Variants in PPP2R2B observed in about 807,000 individuals in gnomAD.
PPP2R2B encodes the protein protein phosphatase 2 regulatory subunit Bbeta.
PPP2R2B carries 5 observed loss-of-function variants against 46.0 expected under a neutral mutation model. The ratio of observed to expected loss-of-function variants is 0.11; its 90% CI spans 0.06 to 0.23. The LOEUF (loss-of-function observed/expected upper bound fraction) is 0.23, where lower values mean the gene tolerates loss of function less well. Among genes scored for constraint, PPP2R2B ranks in the 10% least tolerant of loss-of-function variants. PPP2R2B has a pLI of 1.00. For missense variants in PPP2R2B, 367 were observed against 575.0 expected, an observed-to-expected ratio of 0.64 and a Z score of 3.70; for synonymous variants, 215 against 206.7, an observed-to-expected ratio of 1.04 and a Z score of -0.34.
intron 1 of PPP2R2B, among the ~76,000 whole-genome samples, chr5:146,997,754 G>T (rs1380005931): frequency 6.6e-6 from 1 of 152,128 alleles, no homozygotes; most frequent in Non-Finnish European, 1.5e-5. Flanking sequence ...TGCGAATAAA[G>T]TAGATATTTC....
intron 2 of PPP2R2B, among the ~76,000 whole-genome samples, chr5:146,723,872 A>G (rs1751680547): frequency 6.6e-6 from 1 of 152,100 alleles, no homozygotes; most frequent in Admixed American, 6.6e-5. Context: ...AAATTCATCC[A>G]TACAAACTCA....
chr5:146,971,151 T>C (rs1387021066), intron 1 of PPP2R2B, among the ~76,000 whole-genome samples: 2 of 152,218 alleles, frequency 1.3e-5, no homozygotes, highest in African/African-American at 4.8e-5. Context: ...CATCTTTTCA[T>C]TGATAGCATC....
chr5:147,035,540 TG>T (rs1326084346), intron 1 of PPP2R2B, among the ~76,000 whole-genome samples: 5 of 152,232 alleles, frequency 3.3e-5, no homozygotes, highest in African/African-American at 1.2e-4. Context: ...CTCAAGGCTT[TG>T]GGTTCAGGAA....
At chr5:146,675,071 T>G (rs1212946697) in intron 5 of PPP2R2B, among the ~76,000 whole-genome samples, 1 of 152,174 alleles carries the variant, frequency 6.6e-6, no homozygotes, top group African/African-American at 2.4e-5. Context: ...CAAGTGATTC[T>G]CGCACCTCAG....
At chr5:146,698,825 T>C (rs1432976097) in intron 3 of PPP2R2B, among the ~76,000 whole-genome samples, 2 of 150,836 alleles carry the variant, frequency 1.3e-5, no homozygotes, top group African/African-American at 4.9e-5. Flanking sequence ...CATTAAGGAA[T>C]GATGAGACTT....
At chr5:146,827,999 AAGAG>A (rs35087951) in intron 2 of PPP2R2B, among the ~76,000 whole-genome samples, 49,930 of 148,534 alleles carry the variant, frequency 0.34, 8,701 homozygotes, top group East Asian at 0.62. Flanking sequence ...GGCCTAGTTG[AAGAG>A]AGAGAGAGAG....
intron 1 of PPP2R2B, among the ~76,000 whole-genome samples, chr5:146,917,223 T>C (rs1488165691): frequency 2.0e-5 from 3 of 152,232 alleles, no homozygotes; most frequent in Non-Finnish European, 4.4e-5. Context: ...ACATGGGCTC[T>C]ACACCCTGCC....
intron 1 of PPP2R2B, among the ~76,000 whole-genome samples, chr5:146,909,579 C>G (rs871585): frequency 0.026 from 3,893 of 152,274 alleles, 146 homozygotes; most frequent in African/African-American, 0.07. Flanking sequence ...TAGAAAGAAG[C>G]CTTCCTAATA....
At chr5:146,652,129 A>T (rs1776007480) in intron 5 of PPP2R2B, among the ~76,000 whole-genome samples, 1 of 152,178 alleles carries the variant, frequency 6.6e-6, no homozygotes, top group African/African-American at 2.4e-5. Context: ...CCTATAGATT[A>T]AGTGTGTGTG....
At chr5:146,673,976 C>G (rs1435135788) in intron 5 of PPP2R2B, among the ~76,000 whole-genome samples, 2 of 152,148 alleles carry the variant, frequency 1.3e-5, no homozygotes, top group Non-Finnish European at 2.9e-5. Flanking sequence ...GTCAGTATGT[C>G]TTAGGCAAAT....
chr5:146,901,651 C>T (rs1302849339), intron 1 of PPP2R2B, among the ~76,000 whole-genome samples: 1 of 152,060 alleles, frequency 6.6e-6, no homozygotes, highest in African/African-American at 2.4e-5. Flanking sequence ...ATTCCCTATC[C>T]TCATGAAGCT....
intron 1 of PPP2R2B, among the ~76,000 whole-genome samples, chr5:146,914,634 G>T (rs1451213650): frequency 6.6e-6 from 1 of 152,202 alleles, no homozygotes; most frequent in Non-Finnish European, 1.5e-5. Context: ...GCAAAAAAAT[G>T]TTGTTGGCCA....
At chr5:146,722,914 A>C (rs544618214) in intron 2 of PPP2R2B, among the ~76,000 whole-genome samples, 37 of 152,242 alleles carry the variant, frequency 2.4e-4, no homozygotes, top group African/African-American at 8.9e-4. Flanking sequence ...GCCACTACCT[A>C]AACATGAACA....
rs1770357136 is a variant in PPP2R2B, at chr5:146,589,296, TC to T, written c.*650del. 6.6e-6 allele frequency: 1 copy of T among 152,282 alleles called. No individual in the cohort carries two copies. Among genetic ancestry groups the T allele is most frequent in the African/African-American group, 2.4e-5 (1 of 41,404 alleles). The allele number at this position is 152,282 out of a possible 1,614,324, so 9.4% of individuals were successfully genotyped here. On this transcript the variant is annotated 3_prime_UTR_variant, in exon 10 of 10. Coordinates refer to ENST00000394411, the MANE Select transcript of PPP2R2B (RefSeq NM_181675.4). ...AAGCATTCAAGTTCCCTAGCCAAAT[TC>T]TCAGGCTGTTTCTATGGAGCTTACA...
intron 1 of PPP2R2B, among the ~76,000 whole-genome samples, chr5:146,996,995 C>T (rs930862688): frequency 2.0e-5 from 3 of 152,150 alleles, no homozygotes; most frequent in African/African-American, 7.2e-5. Context: ...AATCACTTAA[C>T]CTCTTTGACC....
chr5:146,971,875 A>G (rs1246001591), intron 1 of PPP2R2B, among the ~76,000 whole-genome samples: 2 of 152,198 alleles, frequency 1.3e-5, no homozygotes, highest in Non-Finnish European at 2.9e-5. Flanking sequence ...ATCCCTGTAT[A>G]TTCCTTACTC....
chr5:146,806,280 C>A (rs1265006956), intron 2 of PPP2R2B, among the ~76,000 whole-genome samples: 1 of 152,186 alleles, frequency 6.6e-6, no homozygotes, highest in Non-Finnish European at 1.5e-5. Flanking sequence ...AGAAACTGTG[C>A]ATCTCAGGCC....
At chr5:146,895,194 G>C (rs1317685155) in intron 1 of PPP2R2B, among the ~76,000 whole-genome samples, 1 of 152,146 alleles carries the variant, frequency 6.6e-6, no homozygotes, top group Non-Finnish European at 1.5e-5. Flanking sequence ...CATCTCCAGA[G>C]TGTTTCTTCT....
rs550942845 is a variant in PPP2R2B, at chr5:146,998,628, A to C, written c.79+57037T>G. Among the ~76,000 whole-genome samples, 27 of 152,338 alleles carry C rather than the reference A, an allele frequency of 1.8e-4. No individual in the cohort carries two copies. In the South Asian group the frequency reaches 5.2e-3, roughly 29 times the overall value. ...GTGAGTCAAGTCTCCTTTGGAAAAC[A>C]TCCAGTTTTACAGAAGTGTTCAGCC... is the stretch of plus-strand genomic sequence containing the variant. On this transcript the variant is annotated intron_variant, in intron 1 of 8. Transcript: ENST00000336640.
Sources: allele counts gnomAD v4.1 joint callset (sites outside exome capture counted in the v4.1 genomes callset), GRCh38; gene constraint gnomAD v4.1.1; transcripts MANE v1.5; gene names NCBI Gene and HGNC (gene_info 2026-07-23, HGNC 2026-07-21).